Variants in TAF8 observed in about 807,000 individuals in gnomAD.
TAF8 encodes TATA-box binding protein associated factor 8.
In TAF8, 47 loss-of-function variants were observed where a neutral mutation model predicts 36.5. The ratio of observed to expected loss-of-function variants is 1.29; its 90% confidence interval spans 1.02 to 1.64. The LOEUF is 1.64. Among genes scored for constraint, TAF8 ranks in the 40% most tolerant of loss-of-function variants. The pLI, the probability that TAF8 is intolerant of heterozygous loss-of-function variation, is 0.00. For missense variants in TAF8, 420 were observed against 407.6 expected, an observed-to-expected ratio of 1.03 and a Z score of -0.26; for synonymous variants, 175 against 159.5, an observed-to-expected ratio of 1.10 and a Z score of -0.73.
In TAF8 at chr6:42,079,963, C is replaced by A; in HGVS notation, c.*2418C>A. 1.0e-6 allele frequency: 1 copy of A among 984,442 alleles called. No homozygotes were observed. Among genetic ancestry groups the A allele is most frequent in the Non-Finnish European group, 1.2e-6 (1 of 829,838 alleles). 61.0% of individuals were successfully genotyped at this position (984,442 alleles called of 1,614,324 possible). A position where few individuals can be genotyped will look rare whatever the true frequency, so the allele number is the denominator to read the frequency against. On this transcript the variant is annotated 3_prime_UTR_variant, in exon 9 of 9. Coordinates refer to ENST00000372977, the MANE Select transcript of TAF8 (RefSeq NM_138572.3). ...CTCACTGTACTGTGTAAGGAAAGAG[C>A]TGCTTGTCAGGAACGGAAGAGGGGA... is the stretch of plus-strand genomic sequence containing the variant.
chr6:42,064,078 T>C (rs1376923249), intron 5 of TAF8, among the ~76,000 whole-genome samples: 1 of 152,176 alleles, frequency 6.6e-6, no homozygotes, highest in Non-Finnish European at 1.5e-5. Context: ...AAACTAATTT[T>C]TTTCATCCTC....
chr6:42,050,823 C>A, intron 1 of TAF8: 1 of 961,456 alleles, frequency 1.0e-6, no homozygotes, highest in Non-Finnish European at 1.4e-6. Context: ...CCCGGAACAC[C>A]CCCGATTGGT....
At chr6:42,073,437 G>A (rs533945181) in intron 7 of TAF8, among the ~76,000 whole-genome samples, 9 of 152,262 alleles carry the variant, frequency 5.9e-5, no homozygotes, top group East Asian at 1.9e-4. Context: ...TGACTAAATC[G>A]TTGCATAGTA....
downstream of TAF8, chr6:42,086,894 C>T (rs1378203670): frequency 8.3e-6 from 7 of 842,206 alleles, no homozygotes; most frequent in African/African-American, 1.7e-5. Context: ...ACAAGCTTGT[C>T]AGATCGCCCA....
intron 7 of TAF8, among the ~76,000 whole-genome samples, chr6:42,071,171 C>T (rs1200727771): frequency 6.6e-6 from 1 of 152,014 alleles, no homozygotes; most frequent in Non-Finnish European, 1.5e-5. Flanking sequence ...GTTTGGATGC[C>T]TTAGTGGCTG....
chr6:42,054,570 T>C (rs945955088), intron 2 of TAF8, among the ~76,000 whole-genome samples: 1 of 152,198 alleles, frequency 6.6e-6, no homozygotes, highest in Non-Finnish European at 1.5e-5. Context: ...ATTTGTCTTT[T>C]TATGTCTACC....
intron 5 of TAF8, among the ~76,000 whole-genome samples, chr6:42,062,242 C>T (rs1765214322): frequency 6.6e-6 from 1 of 152,104 alleles, no homozygotes; most frequent in Non-Finnish European, 1.5e-5. Context: ...TTTGACCATA[C>T]AGTAAGATTT....
downstream of TAF8, chr6:42,086,876 G>A (rs565290649): frequency 9.5e-5 from 92 of 970,078 alleles, no homozygotes; most frequent in East Asian, 2.4e-3. Context: ...TGGTGCAGAT[G>A]CTACCCCACA....
At chr6:42,065,171 C>T (rs1467879720) in intron 5 of TAF8, among the ~76,000 whole-genome samples, 1 of 151,774 alleles carries the variant, frequency 6.6e-6, no homozygotes, top group Admixed American at 6.6e-5. Context: ...CATGATGAAA[C>T]CCCATCTCTA....
At chr6:42,054,891 C>T (rs955472528) in intron 2 of TAF8, among the ~76,000 whole-genome samples, 1 of 151,688 alleles carries the variant, frequency 6.6e-6, no homozygotes, top group African/African-American at 2.4e-5. Flanking sequence ...AGGCGTGAGC[C>T]ACCACACCTG....
At chr6:42,065,412 C>T (rs943092796) in intron 5 of TAF8, among the ~76,000 whole-genome samples, 1 of 152,170 alleles carries the variant, frequency 6.6e-6, no homozygotes, top group African/African-American at 2.4e-5. Context: ...ATCATTTTCA[C>T]TCCATAACTT....
rs559535575 is a variant in TAF8 at position 42,071,006 on chromosome 6, A to C, written c.780+2399A>C. Among the ~76,000 whole-genome samples, 4 of 152,288 alleles carry C rather than the reference A, an allele frequency of 2.6e-5. No homozygotes were observed. The East Asian group carries it at 7.7e-4, about 29-fold the overall frequency. On this transcript the variant is annotated intron_variant, in intron 7 of 8. Transcript: ENST00000372977. ...TTCTGCTCACCGGTGTGTCATACTC[A>C]GCGAGTGAAAGGATAAGAGCCCCCT... is the stretch of plus-strand genomic sequence containing the variant.
At chr6:42,084,180 CAAAAAAA>C (rs35595303), downstream of TAF8, among the ~76,000 whole-genome samples, 1 of 63,408 alleles carries the variant, frequency 1.6e-5, no homozygotes, top group African/African-American at 5.4e-5. Context: ...GACTCTGTCT[CAAAAAAA>C]AAAAAAAAAA....
At chr6:42,072,816 G>T (rs887992219) in intron 7 of TAF8, among the ~76,000 whole-genome samples, 1 of 151,524 alleles carries the variant, frequency 6.6e-6, no homozygotes, top group South Asian at 2.1e-4. Flanking sequence ...TCCGCCTCCC[G>T]GGTTCATGCC....
Position 42,057,393 on chromosome 6 carries a change from GGT to G in TAF8, c.371_372del (p.Val124AspfsTer28). On this transcript the variant is annotated frameshift_variant, in exon 5 of 9. Transcript: ENST00000372977. LOFTEE classifies it high-confidence loss of function. ...SQRMVITAPP[V>X]TNQPVTPKAL... The stretch of plus-strand genomic sequence containing the variant: ...TCAGTTGTGACTCTGTTGCAGCTCC[GGT>G]GACCAATCAGCCAGTGACCCCCAAG... 1 of 1,613,978 alleles carries G rather than the reference GGT, an allele frequency of 6.2e-7. No homozygotes were observed. The highest frequency in any genetic ancestry group is 1.3e-5 in the African/African-American group (1 of 74,970).
rs1348502684 is a variant in TAF8 at position 42,078,938 on chromosome 6, A to G, written c.*1393A>G. Reference sequence around the variant, plus strand: ...GGAGTTCGAGACCAGCCTGGCCAACATAGTGAAACCCCGTCTCTACTAAAA... The same window carrying G: ...GGAGTTCGAGACCAGCCTGGCCAACGTAGTGAAACCCCGTCTCTACTAAAA... On this transcript the variant is annotated 3_prime_UTR_variant, in exon 9 of 9. Coordinates refer to ENST00000372977, the MANE Select transcript of TAF8 (RefSeq NM_138572.3). 5 of 732,262 alleles carry G rather than the reference A, an allele frequency of 6.8e-6. No homozygotes were observed. Among genetic ancestry groups the G allele is most frequent in the Non-Finnish European group, 8.3e-6 (5 of 599,148 alleles). The allele number at this position is 732,262 out of a possible 1,614,324, so 45.4% of individuals were successfully genotyped here. A position where few individuals can be genotyped will look rare whatever the true frequency, so the allele number is the denominator to read the frequency against.
rs1267208324 is a variant in TAF8 at position 42,078,201 on chromosome 6, TAATC to T, written c.*662_*665del. On this transcript the variant is annotated 3_prime_UTR_variant, in exon 9 of 9. Transcript: ENST00000372977. ...CACCGCACCCCACCAGAGACTTTCTTAATCAATCAGGCTATGTGGTGGGGCATAG... is the reference window on the plus strand; with the variant it reads ...CACCGCACCCCACCAGAGACTTTCTTAATCAGGCTATGTGGTGGGGCATAG... 8.1e-6 allele frequency: 8 copies of T among 985,638 alleles called. No individual in the cohort carries two copies. Among genetic ancestry groups the T allele is most frequent in the Admixed American group, 1.2e-4 (2 of 16,284 alleles). The allele number at this position is 985,638 out of a possible 1,614,324, so 61.1% of individuals were successfully genotyped here. A position where few individuals can be genotyped will look rare whatever the true frequency, so the allele number is the denominator to read the frequency against.
rs1765358957 is a variant in TAF8, at chr6:42,066,331, C to CA, written c.510dup (p.Asp171ArgfsTer37). On this transcript the variant is annotated frameshift_variant, in exon 6 of 9. Coordinates refer to ENST00000372977, the MANE Select transcript of TAF8 (RefSeq NM_138572.3). LOFTEE classifies it high-confidence loss of function. Reference sequence around the variant, plus strand: ...TCGTAGACGTACCGTGAGCCCGTGTCAGACTACCAGGTCCTGCGGGAGAAG... The same window carrying CA: ...TCGTAGACGTACCGTGAGCCCGTGTCAAGACTACCAGGTCCTGCGGGAGAAG... 1.2e-6 allele frequency: 2 copies of CA among 1,614,014 alleles called. No homozygotes were observed. Among genetic ancestry groups the CA allele is most frequent in the Non-Finnish European group, 1.7e-6 (2 of 1,180,038 alleles).
intron 1 of TAF8, chr6:42,051,107 A>G: frequency 1.7e-6 from 2 of 1,166,198 alleles, no homozygotes; most frequent in Non-Finnish European, 2.1e-6. Flanking sequence ...TAAAGTAGAA[A>G]GTAAAAGACC....
Sources: allele counts gnomAD v4.1 joint callset (sites outside exome capture counted in the v4.1 genomes callset), GRCh38; gene constraint gnomAD v4.1.1; transcripts MANE v1.5; gene names NCBI Gene and HGNC (gene_info 2026-07-23, HGNC 2026-07-21).